Variants in CP observed in about 807,000 individuals in gnomAD.
CP encodes caeruloplasmin.
A neutral mutation model predicts 122.4 loss-of-function variants in CP; 64 were observed. That is an observed-to-expected ratio of 0.52 (90% CI 0.43 to 0.64). CP has a LOEUF of 0.64. Ranked by LOEUF, CP falls within the 30% of genes least tolerant of loss-of-function variation. The pLI is 0.00. For synonymous variants in CP, 440 were observed against 436.4 expected (o/e 1.01, Z -0.10); for missense variants, 1,167 against 1,284.4 (o/e 0.91, Z 1.40).
chr3:149,206,098 T>C, intron 6 of CP, 70 bp downstream of exon 6: 1 of 1,443,988 alleles, frequency 6.9e-7, no homozygotes, highest in Non-Finnish European at 9.7e-7. Context: ...AATTGCTGAA[T>C]TAGCCTTTTG....
chr3:149,169,220 G>A (rs1724740244), downstream of CP, among the ~76,000 whole-genome samples: 1 of 152,114 alleles, frequency 6.6e-6, no homozygotes, highest in South Asian at 2.1e-4. Flanking sequence ...TGATTAGAAA[G>A]GGAGACAGCT....
chr3:149,167,342 A>G (rs1576707185), intron 4 of CP: 1 of 885,712 alleles, frequency 1.1e-6, no homozygotes, highest in East Asian at 2.6e-5. Context: ...TGCTAATCCA[A>G]CATCATAAGG....
At position 149,212,768 on chromosome 3, in the gene CP, A is replaced by G; in HGVS notation, c.147-70T>C. ...AGGGATGACATTATCATTATAATTT[A>G]ATAACATTATAATTAGAGAAATTAA... On this transcript the variant is annotated intron_variant, in intron 1 of 18. Transcript: ENST00000264613. The G allele has an allele frequency of 3.3e-6, 5 of 1,511,652 alleles. No individual in the cohort carries two copies. In the South Asian group the frequency reaches 6.0e-5, roughly 18 times the overall value. 93.6% of individuals were successfully genotyped at this position (1,511,652 alleles called of 1,614,324 possible). A position where few individuals can be genotyped will look rare whatever the true frequency, so the allele number is the denominator to read the frequency against.
intron 11 of CP, among the ~76,000 whole-genome samples, chr3:149,185,900 T>C (rs1209217614): frequency 6.6e-6 from 1 of 152,248 alleles, no homozygotes; most frequent in African/African-American, 2.4e-5. Context: ...CTTTTGTTCA[T>C]TGTTGTATTT....
chr3:149,168,064 G>A (rs2681096), downstream of CP: 832,414 of 849,458 alleles, frequency 0.98, 407,940 homozygotes, highest in East Asian at 1. Context: ...GTATTTTCAT[G>A]TGATTCTCAA....
chr3:149,199,969 G>A, intron 7 of CP, 105 bp from the exon 8 acceptor site: 1 of 1,157,090 alleles, frequency 8.6e-7, no homozygotes. Flanking sequence ...ACTACTAGGA[G>A]CAACACGCTT....
chr3:149,172,318 T>A (rs879086473), downstream of CP: 419 of 571,942 alleles, frequency 7.3e-4, 7 homozygotes, highest in South Asian at 2.9e-3. Context: ...ATTTTATATA[T>A]CACACACACA....
rs748250466 is a variant in CP, at chr3:149,202,251, G to GA, written c.1209-11dup. 87 of 1,613,912 alleles carry GA rather than the reference G, an allele frequency of 5.4e-5. No homozygotes were observed. The Admixed American group carries it at 5.8e-4, about 11-fold the overall frequency. ...AAACACCGCTGAGTCACTGCAGGGG[G>GA]AAAAAAGTGTTTAATGCTGGGGTTG... On this transcript the variant is annotated splice_polypyrimidine_tract_variant and intron_variant, in intron 6 of 18. Coordinates refer to ENST00000264613, the MANE Select transcript of CP (RefSeq NM_000096.4).
intron 11 of CP, 63 bp downstream of exon 11, chr3:149,186,457 C>T: frequency 6.7e-7 from 1 of 1,481,522 alleles, no homozygotes; most frequent in East Asian, 2.3e-5. Context: ...CATTCTGCTA[C>T]AGGATTTTAA....
At chr3:149,186,361 C>T (rs907989494) in intron 11 of CP, 159 bp downstream of exon 11, 1 of 705,624 alleles carries the variant, frequency 1.4e-6, no homozygotes, top group Admixed American at 2.1e-5. Flanking sequence ...GTACATACTT[C>T]AGCTGATAGT....
At chr3:149,184,966 G>C (rs1726053530) in intron 12 of CP, among the ~76,000 whole-genome samples, 1 of 152,040 alleles carries the variant, frequency 6.6e-6, no homozygotes, top group Admixed American at 6.6e-5. Context: ...ACAACATGAG[G>C]GCACATGAAT....
intron 9 of CP, among the ~76,000 whole-genome samples, chr3:149,192,410 T>C (rs1726596455): frequency 1.3e-5 from 2 of 152,166 alleles, no homozygotes; most frequent in African/African-American, 2.4e-5. Flanking sequence ...ACAAGTAGCA[T>C]TTTTAAGATA....
At chr3:149,194,383 C>T (rs1726753572) in intron 9 of CP, among the ~76,000 whole-genome samples, 1 of 151,920 alleles carries the variant, frequency 6.6e-6, no homozygotes, top group Admixed American at 6.6e-5. Context: ...GGATTACAGA[C>T]ATGCACCAGC....
intron 8 of CP, 80 bp downstream of exon 8, chr3:149,199,632 G>T (rs1727163277): frequency 6.4e-7 from 1 of 1,565,004 alleles, no homozygotes; most frequent in Non-Finnish European, 8.8e-7. Flanking sequence ...CCTGCCTTCA[G>T]TTTTTGCAGC....
chr3:149,174,954 T>C (rs1725315072), intron 18 of CP, among the ~76,000 whole-genome samples: 1 of 152,152 alleles, frequency 6.6e-6, no homozygotes, highest in African/African-American at 2.4e-5. Flanking sequence ...TTAAAAACTA[T>C]CTCGCCTTTC....
chr3:149,213,915 G>A (rs757945261), intron 1 of CP, among the ~76,000 whole-genome samples: 1 of 152,168 alleles, frequency 6.6e-6, no homozygotes, highest in Non-Finnish European at 1.5e-5. Flanking sequence ...AAGGCCTGAT[G>A]TTTCTTAAGT....
intron 13 of CP, 97 bp from the exon 14 acceptor site, chr3:149,182,230 G>T (rs952814558): frequency 7.1e-7 from 1 of 1,403,408 alleles, no homozygotes; most frequent in East Asian, 2.3e-5. Context: ...TCCCCCATGG[G>T]TTTGTGGTAT....
chr3:149,219,489 G>A (rs1227933130), intron 1 of CP, among the ~76,000 whole-genome samples: 1 of 152,178 alleles, frequency 6.6e-6, no homozygotes, highest in Non-Finnish European at 1.5e-5. Flanking sequence ...AGATCTGATG[G>A]TTTTATAAAT....
intron 9 of CP, among the ~76,000 whole-genome samples, chr3:149,190,138 C>A (rs182934688): frequency 7.3e-5 from 11 of 151,310 alleles, no homozygotes; most frequent in African/African-American, 2.7e-4. Flanking sequence ...TGATTAAATC[C>A]AAAAATATAT....
Sources: gnomAD v4.1 joint callset for allele counts (sites outside exome capture counted in the v4.1 genomes callset) on GRCh38, gnomAD v4.1.1 for gene constraint, MANE v1.5 for transcripts, NCBI Gene and HGNC (gene_info 2026-07-23, HGNC 2026-07-21) for gene names.